Variants in DCHS2 observed in about 807,000 individuals in gnomAD.
The protein encoded by DCHS2 is protocadherin-23.
In DCHS2, 142 loss-of-function variants were observed where a neutral mutation model predicts 182.4. The ratio of observed to expected loss-of-function variants is 0.78; its 90% CI spans 0.68 to 0.89. The LOEUF (loss-of-function observed/expected upper bound fraction) is 0.89, where lower values mean the gene tolerates loss of function less well. Ranked by LOEUF, DCHS2 falls within the 40% of genes least tolerant of loss-of-function variation. The probability of loss-of-function intolerance (pLI) is 0.00; values close to 1 mark genes in which losing one functional copy is unlikely to be tolerated. For synonymous variants in DCHS2, 1,740 were observed against 1,663.3 expected (o/e 1.05, Z -1.12); for missense variants, 4,319 against 4,198.6 (o/e 1.03, Z -0.79).
chr4:154,409,734 T>C (rs967239557), intron 1 of DCHS2, among the ~76,000 whole-genome samples: 2 of 152,174 alleles, frequency 1.3e-5, no homozygotes, highest in African/African-American at 4.8e-5. Context: ...TTAAGGGTCA[T>C]GTCAGACATG....
chr4:154,352,701 A>G (rs1729676432), intron 3 of DCHS2, among the ~76,000 whole-genome samples: 1 of 152,230 alleles, frequency 6.6e-6, no homozygotes, highest in Non-Finnish European at 1.5e-5. Flanking sequence ...CATCCTCATA[A>G]ATGCTTCAAT....
In DCHS2 at chr4:154,490,212, C is replaced by A. The variant is rs1378823446; in HGVS notation, c.1144G>T (p.Val382Leu). 1.9e-6 allele frequency: 3 copies of A among 1,549,514 alleles called. No individual in the cohort carries two copies. Among genetic ancestry groups the A allele is most frequent in the East Asian group, 4.9e-5 (2 of 40,896 alleles). ...GCGCCTCCATCGCGGGCCTCCACCA[C>A]CAACTGGTGCCAGGCCTGTGCCTCG... Reference protein sequence around the residue: ...DREAQAWHQLVVEARDGGAEP... With the variant: ...DREAQAWHQLLVEARDGGAEP... Residue 382 changes from valine to leucine, a missense_variant, in exon 1 of 20, where the codon GTG becomes TTG. Physicochemically the swap from Val to Leu is conservative, Grantham distance 32 (BLOSUM62 1). Transcript: ENST00000357232.
At chr4:154,459,034 T>C (rs1464169279) in intron 1 of DCHS2, among the ~76,000 whole-genome samples, 1 of 152,156 alleles carries the variant, frequency 6.6e-6, no homozygotes, top group Non-Finnish European at 1.5e-5. Context: ...CCCAAAATAT[T>C]CTATTACATT....
intron 1 of DCHS2, among the ~76,000 whole-genome samples, chr4:154,461,098 C>G (rs897315353): frequency 1.3e-5 from 2 of 152,160 alleles, no homozygotes; most frequent in African/African-American, 2.4e-5. Flanking sequence ...CTTCCACCAG[C>G]CTTAGGAAGC....
Position 154,489,905 on chromosome 4 carries a change from CCGCCGGGT to C in DCHS2, c.1443_1450del (p.Gly483ProfsTer21). The C allele has an allele frequency of 6.5e-7, 1 of 1,538,882 alleles. No homozygotes were observed. The highest frequency in any genetic ancestry group is 8.8e-7 in the Non-Finnish European group (1 of 1,139,160). ...GCAAAGGAAAAATACCCCTGGGGGG[CCGCCGGGT>C]AGCAACGCGAAGTCTCCCTCTCCGC... On this transcript the variant is annotated frameshift_variant, in exon 1 of 20. Transcript: ENST00000357232. LOFTEE classifies it high-confidence loss of function.
At chr4:154,303,479 T>C (rs1183016394) in intron 12 of DCHS2, among the ~76,000 whole-genome samples, 3 of 79,920 alleles carry the variant, frequency 3.8e-5, no homozygotes, top group East Asian at 3.3e-4. Context: ...TAAGGGTAAG[T>C]GAAGCAAAAA....
rs761811322 is a variant in DCHS2, at chr4:154,259,711, C to A, written c.6623G>T (p.Arg2208Ile). ...KEPKFLDFEVRNEVQLIVLAE... is the reference protein window; with the variant it reads ...KEPKFLDFEVINEVQLIVLAE... ...TAAAACGATGAGTTGAACCTCATTT[C>A]TGACTTCAAAATCAAGAAACTTGGG... The change falls in exon 15 of 20, where the codon AGA becomes ATA. Residue 2208 changes from arginine (R) to isoleucine (I), a missense_variant. By Grantham distance (97) the Arg-to-Ile change is moderately conservative (BLOSUM62 -3). Coordinates refer to ENST00000357232, the MANE Select transcript of DCHS2 (RefSeq NM_001358235.2). 2 of 1,614,016 alleles carry A rather than the reference C, an allele frequency of 1.2e-6. No individual in the cohort carries two copies. The highest frequency in any genetic ancestry group is 1.1e-5 in the South Asian group (1 of 91,070).
chr4:154,314,175 C>A (rs1293161358), intron 10 of DCHS2, among the ~76,000 whole-genome samples: 1 of 152,072 alleles, frequency 6.6e-6, no homozygotes, highest in African/African-American at 2.4e-5. Flanking sequence ...TTACTGTTTG[C>A]AAAATCACAC....
At chr4:154,353,719 G>C (rs891356026) in intron 3 of DCHS2, among the ~76,000 whole-genome samples, 1 of 152,104 alleles carries the variant, frequency 6.6e-6, no homozygotes, top group Non-Finnish European at 1.5e-5. Flanking sequence ...GAAGTGCTAC[G>C]CTATTTGTTC....
intron 9 of DCHS2, among the ~76,000 whole-genome samples, chr4:154,319,579 C>T (rs936341077): frequency 6.7e-6 from 1 of 149,026 alleles, no homozygotes; most frequent in Admixed American, 6.7e-5. Context: ...AAAAATGCTC[C>T]ATGGCACTAA....
At chr4:154,255,989 G>A (rs1171788545) in intron 15 of DCHS2, among the ~76,000 whole-genome samples, 1 of 152,044 alleles carries the variant, frequency 6.6e-6, no homozygotes, top group East Asian at 1.9e-4. Flanking sequence ...AGTTCCAATA[G>A]TGTATATGAA....
At chr4:154,300,448 A>C (rs1251475995) in intron 12 of DCHS2, among the ~76,000 whole-genome samples, 1 of 146,452 alleles carries the variant, frequency 6.8e-6, no homozygotes, top group Non-Finnish European at 1.5e-5. Flanking sequence ...CCAAGGCGGG[A>C]GGATTGCTTG....
At chr4:154,489,082 C>G (rs1728690605) in intron 1 of DCHS2, among the ~76,000 whole-genome samples, 1 of 151,134 alleles carries the variant, frequency 6.6e-6, no homozygotes. Flanking sequence ...ATCTAAAAGT[C>G]AAGTTGAAAG....
chr4:154,365,281 T>A (rs1274088376), intron 3 of DCHS2, among the ~76,000 whole-genome samples: 3 of 152,184 alleles, frequency 2.0e-5, no homozygotes, highest in Non-Finnish European at 4.4e-5. Context: ...AAAATGTCTT[T>A]GCACTAATCT....
intron 1 of DCHS2, among the ~76,000 whole-genome samples, chr4:154,472,817 C>T (rs923628619): frequency 6.6e-6 from 1 of 151,992 alleles, no homozygotes; most frequent in African/African-American, 2.4e-5. Context: ...CACACATTCA[C>T]ATACACACAC....
chr4:154,373,868 C>T (rs1337061675), intron 2 of DCHS2: 1 of 1,466,896 alleles, frequency 6.8e-7, no homozygotes, highest in Non-Finnish European at 9.4e-7. Flanking sequence ...CAACCCATTT[C>T]CAGGCACCAG....
In DCHS2 at chr4:154,300,049, C is replaced by A. The variant is rs1008987567; in HGVS notation, c.5606-1341G>T. On this transcript the variant is annotated intron_variant, in intron 12 of 19. Transcript: ENST00000357232. ...TCCTAAAGTGGAGAAAGCCATACTA[C>A]AAGTTTTGGGGAGAGTGTTCTATGC... 7.9e-5 allele frequency among the ~76,000 whole-genome samples: 12 copies of A among 152,230 alleles called. No homozygotes were observed. In the East Asian group the frequency reaches 2.1e-3, roughly 27 times the overall value.
intron 13 of DCHS2, among the ~76,000 whole-genome samples, chr4:154,273,487 A>C (rs1733692462): frequency 6.6e-6 from 1 of 152,108 alleles, no homozygotes; most frequent in Non-Finnish European, 1.5e-5. Flanking sequence ...ATAAAAGACT[A>C]TACAATAGAT....
At chr4:154,373,826 A>T in intron 2 of DCHS2, 1 of 985,204 alleles carries the variant, frequency 1.0e-6, no homozygotes, top group Non-Finnish European at 1.6e-6. Flanking sequence ...GTGTGCAAGC[A>T]CTCAGGGGAG....
Sources: gnomAD v4.1 joint callset for allele counts (sites outside exome capture counted in the v4.1 genomes callset) on GRCh38, gnomAD v4.1.1 for gene constraint, MANE v1.5 for transcripts, NCBI Gene and HGNC (gene_info 2026-07-23, HGNC 2026-07-21) for gene names.